Variants in OPCML observed in about 807,000 individuals in gnomAD.
The protein encoded by OPCML is opioid binding protein/cell adhesion molecule like.
In OPCML, 13 loss-of-function variants were observed where a neutral mutation model predicts 37.8. That is an observed-to-expected ratio of 0.34 (90% CI 0.22 to 0.55). OPCML has a LOEUF of 0.55. Among genes scored for constraint, OPCML ranks in the 20% least tolerant of loss-of-function variants. The pLI is 0.91. For synonymous variants in OPCML, 176 were observed against 168.8 expected, an observed-to-expected ratio of 1.04 and a Z score of -0.33; for missense variants, 341 against 435.6, an observed-to-expected ratio of 0.78 and a Z score of 1.93.
At chr11:133,256,187 C>T (rs1182011035) in intron 1 of OPCML, among the ~76,000 whole-genome samples, 2 of 152,144 alleles carry the variant, frequency 1.3e-5, no homozygotes, top group Non-Finnish European at 2.9e-5. Context: ...CAGGAGTTGC[C>T]ATTGCAGTGA....
At chr11:132,897,732 G>T (rs1445863123) in intron 2 of OPCML, among the ~76,000 whole-genome samples, 1 of 152,168 alleles carries the variant, frequency 6.6e-6, no homozygotes, top group Non-Finnish European at 1.5e-5. Context: ...AGTGCACCTG[G>T]TTGTGCACTT....
chr11:132,888,407 C>G (rs907851066), intron 2 of OPCML, among the ~76,000 whole-genome samples: 2 of 152,140 alleles, frequency 1.3e-5, no homozygotes, highest in Non-Finnish European at 2.9e-5. Flanking sequence ...GAAGCACAGC[C>G]ATGCCTTCAG....
At chr11:132,874,011 C>T (rs1942915015) in intron 2 of OPCML, among the ~76,000 whole-genome samples, 1 of 152,180 alleles carries the variant, frequency 6.6e-6, no homozygotes, top group Non-Finnish European at 1.5e-5. Flanking sequence ...CCCTGTCACA[C>T]TGGATCAGGT....
intron 4 of OPCML, among the ~76,000 whole-genome samples, chr11:132,512,779 A>G (rs1010266753): frequency 3.3e-5 from 5 of 151,886 alleles, no homozygotes; most frequent in Admixed American, 2.6e-4. Flanking sequence ...AAACTCTAAA[A>G]AAGTCTAATA....
At chr11:133,373,389 C>T (rs1456720107) in intron 1 of OPCML, among the ~76,000 whole-genome samples, 1 of 142,060 alleles carries the variant, frequency 7.0e-6, no homozygotes, top group African/African-American at 2.6e-5. Context: ...GCGGTGAAAC[C>T]CTGTCTCTAC....
intron 2 of OPCML, among the ~76,000 whole-genome samples, chr11:132,831,402 G>C (rs1317370889): frequency 1.3e-5 from 2 of 152,124 alleles, no homozygotes; most frequent in African/African-American, 4.8e-5. Context: ...CAGGTGATGA[G>C]GCACCCCCAC....
At chr11:132,991,772 C>T (rs968202596) in intron 1 of OPCML, among the ~76,000 whole-genome samples, 2 of 152,124 alleles carry the variant, frequency 1.3e-5, no homozygotes, top group African/African-American at 4.8e-5. Context: ...TGTGGCCACC[C>T]CAAGGTTGAT....
Position 132,875,333 on chromosome 11 carries a change from T to C in OPCML, c.146+67593A>G, listed in dbSNP as rs116040812. On this transcript the variant is annotated intron_variant, in intron 2 of 7. Transcript: ENST00000524381. ...TTTCTCTTCTGCAAAATGGGAATAA[T>C]ATCAAAATTATAAATTGTTATATAA... is the stretch of plus-strand genomic sequence containing the variant. Among the ~76,000 whole-genome samples, 863 of 152,256 alleles carry C rather than the reference T, an allele frequency of 5.7e-3. 10 individuals carry two copies. Among genetic ancestry groups the C allele is most frequent in the African/African-American group, 0.02 (826 of 41,538 alleles).
chr11:132,480,601 G>C (rs1202471473), intron 4 of OPCML, among the ~76,000 whole-genome samples: 1 of 152,164 alleles, frequency 6.6e-6, no homozygotes, highest in African/African-American at 2.4e-5. Context: ...AGGAAAAAAT[G>C]TTAAGGGCAG....
intron 2 of OPCML, among the ~76,000 whole-genome samples, chr11:132,724,204 G>A (rs76565618): frequency 0.073 from 11,044 of 152,080 alleles, 1,002 homozygotes; most frequent in African/African-American, 0.22. Flanking sequence ...AGTGCACTAA[G>A]CAAGCTTCCC....
chr11:132,605,350 G>T (rs1347855097), intron 3 of OPCML, among the ~76,000 whole-genome samples: 1 of 151,580 alleles, frequency 6.6e-6, no homozygotes, highest in Non-Finnish European at 1.5e-5. Context: ...GAGGTCAGGA[G>T]ATCGAGATCA....
At chr11:133,121,209 G>A in intron 1 of OPCML, among the ~76,000 whole-genome samples, 1 of 152,176 alleles carries the variant, frequency 6.6e-6, no homozygotes, top group Non-Finnish European at 1.5e-5. Flanking sequence ...ATGAGCCACT[G>A]TTCTTGGCCT....
intron 1 of OPCML, among the ~76,000 whole-genome samples, chr11:133,277,808 A>G (rs1942035666): frequency 6.6e-6 from 1 of 152,024 alleles, no homozygotes; most frequent in Non-Finnish European, 1.5e-5. Flanking sequence ...TAATGTATGT[A>G]ACATAAGTAC....
chr11:132,423,058 G>A (rs1012052321), intron 7 of OPCML, among the ~76,000 whole-genome samples: 2 of 152,158 alleles, frequency 1.3e-5, no homozygotes, highest in Non-Finnish European at 2.9e-5. Flanking sequence ...GCATCCAGGT[G>A]TTAGGAGAGA....
At chr11:132,712,163 A>G (rs1051086905) in intron 2 of OPCML, among the ~76,000 whole-genome samples, 1 of 152,224 alleles carries the variant, frequency 6.6e-6, no homozygotes, top group Non-Finnish European at 1.5e-5. Flanking sequence ...TGTACTGCAG[A>G]AAATGAGATT....
At chr11:132,712,722 C>T (rs756349272) in intron 2 of OPCML, among the ~76,000 whole-genome samples, 60 of 152,176 alleles carry the variant, frequency 3.9e-4, no homozygotes, top group Non-Finnish European at 1.9e-4. Flanking sequence ...AAATCGGACC[C>T]ACCAAAAAGC....
At chr11:132,937,955 A>G (rs1327374240) in intron 2 of OPCML, among the ~76,000 whole-genome samples, 1 of 151,890 alleles carries the variant, frequency 6.6e-6, no homozygotes, top group African/African-American at 2.4e-5. Flanking sequence ...TCAGACTGCC[A>G]TCATTGGTGG....
Position 133,173,833 on chromosome 11 carries a change from C to A in OPCML, c.62-230823G>T, listed in dbSNP as rs60852973. Among the ~76,000 whole-genome samples, 18,106 of 152,186 alleles carry A rather than the reference C, an allele frequency of 0.12. 1,932 individuals carry two copies. Among genetic ancestry groups the A allele is most frequent in the African/African-American group, 0.28 (11,799 of 41,494 alleles). On this transcript the variant is annotated intron_variant, in intron 1 of 7. Transcript: ENST00000524381. This position sits in a 1 kb window ranked among gnomAD's most constrained non-coding sequence, Gnocchi z 7.8. ...TACGACAGAGCCTAAAGATGCAGGCCTTGAGTTTATGAGGCAAATAATGAA... is the reference window on the plus strand; with the variant it reads ...TACGACAGAGCCTAAAGATGCAGGCATTGAGTTTATGAGGCAAATAATGAA...
chr11:133,117,016 TTATC>T (rs1213387209), intron 1 of OPCML, among the ~76,000 whole-genome samples: 7 of 152,244 alleles, frequency 4.6e-5, no homozygotes, highest in Non-Finnish European at 5.9e-5. Context: ...ACTTATTCTG[TTATC>T]TATTTAATTC....
Sources: gnomAD v4.1 joint callset for allele counts (sites outside exome capture counted in the v4.1 genomes callset) on GRCh38, gnomAD v4.1.1 for gene constraint, Gnocchi (gnomAD v3.1) non-coding constraint, MANE v1.5 for transcripts, NCBI Gene and HGNC (gene_info 2026-07-23, HGNC 2026-07-21) for gene names.